EFCAB5: variants seen among roughly 807,000 people sequenced by gnomAD.
The protein encoded by EFCAB5 is EF-hand calcium binding domain 5, also known as EF-hand calcium-binding domain-containing protein 5.
Under a neutral mutation model 167.9 loss-of-function variants are expected in EFCAB5, and 131 were observed. The ratio of observed to expected loss-of-function variants is 0.78; its 90% CI spans 0.68 to 0.90. The LOEUF (loss-of-function observed/expected upper bound fraction) is 0.90. Among genes scored for constraint, EFCAB5 ranks in the 40% least tolerant of loss-of-function variants. The pLI, the probability that EFCAB5 is intolerant of heterozygous loss-of-function variation, is 0.00. For synonymous variants in EFCAB5, 574 were observed against 602.8 expected (o/e 0.95, Z 0.70); for missense variants, 1,663 against 1,745.2 (o/e 0.95, Z 0.84).
At chr17:30,101,177 A>G (rs887382646) in intron 22 of EFCAB5, among the ~76,000 whole-genome samples, 3 of 152,228 alleles carry the variant, frequency 2.0e-5, no homozygotes, top group African/African-American at 7.2e-5. Context: ...CAAGGTTTTA[A>G]GCAGAGGAAC....
At chr17:29,988,309 A>T (rs1041726231) in intron 4 of EFCAB5, among the ~76,000 whole-genome samples, 1 of 152,236 alleles carries the variant, frequency 6.6e-6, no homozygotes, top group Admixed American at 6.5e-5. Flanking sequence ...CATCTGTATG[A>T]AATCATAACT....
rs747775281 is a variant in EFCAB5 at position 30,053,810 on chromosome 17, A to G, written c.1856A>G (p.His619Arg). Residue 619 changes from histidine (H) to arginine (R), a missense_variant, in exon 10 of 23, where the codon CAC becomes CGC. By Grantham distance (29) the His-to-Arg change is conservative. Transcript: ENST00000394835. ...RRESIAEQDR[H>R]KGSVAEQGSR... is the part of the protein sequence containing the mutation. Reference sequence around the variant, plus strand: ...GAGTCTATTGCAGAACAAGATCGACACAAAGGGTCAGTAGCAGAACAAGGA... The same window carrying G: ...GAGTCTATTGCAGAACAAGATCGACGCAAAGGGTCAGTAGCAGAACAAGGA... 5.0e-6 allele frequency: 8 copies of G among 1,613,982 alleles called. No individual in the cohort carries two copies. Among genetic ancestry groups the G allele is most frequent in the Non-Finnish European group, 6.8e-6 (8 of 1,179,860 alleles).
chr17:29,975,027 AAAATAAAT>A (rs564610853), intron 4 of EFCAB5, among the ~76,000 whole-genome samples: 9 of 151,448 alleles, frequency 5.9e-5, no homozygotes, highest in African/African-American at 1.9e-4. Flanking sequence ...CCCTATCTCT[AAAATAAAT>A]AAATAAATAA....
chr17:30,060,948 G>T (rs986765021), intron 14 of EFCAB5, among the ~76,000 whole-genome samples: 1 of 152,120 alleles, frequency 6.6e-6, no homozygotes, highest in Non-Finnish European at 1.5e-5. Flanking sequence ...TTTTCAAAAC[G>T]AAGGCTTTAG....
intron 14 of EFCAB5, chr17:30,068,888 G>C (rs1021245075): frequency 1.3e-6 from 2 of 1,526,998 alleles, no homozygotes; most frequent in Non-Finnish European, 1.8e-6. Context: ...GAATATGGGA[G>C]GATGACAGAC....
rs190825078 is a variant in EFCAB5 at position 30,057,709 on chromosome 17, G to T, written c.2399G>T (p.Cys800Phe). 200 of 1,613,568 alleles carry T rather than the reference G, an allele frequency of 1.2e-4. No homozygotes were observed. The East Asian group carries it at 4.2e-3, about 34-fold the overall frequency. The change falls in exon 13 of 23, where the codon TGC (cysteine) becomes TTC (phenylalanine). Residue 800 changes from cysteine (C) to phenylalanine (F), a missense_variant. Physicochemically the swap from Cys to Phe is radical, Grantham distance 205. Transcript: ENST00000394835. ...LHSIIRNIQS[C>F]KEVKGRTAFN... ...TCAATTATCAGAAATATTCAGTCTT[G>T]CAAGGAGGTAAAAGGCAGAACTGCC...
At chr17:30,085,842 A>G (rs545761067) in intron 18 of EFCAB5, among the ~76,000 whole-genome samples, 1 of 152,332 alleles carries the variant, frequency 6.6e-6, no homozygotes, top group Admixed American at 6.5e-5. Context: ...TTTCCCTTCT[A>G]AAGAGTTTGG....
intron 22 of EFCAB5, among the ~76,000 whole-genome samples, chr17:30,107,576 C>T (rs1193385274): frequency 2.0e-5 from 3 of 152,120 alleles, no homozygotes; most frequent in African/African-American, 2.4e-5. Context: ...CTATAACTTA[C>T]TTTTTGTATT....
chr17:30,103,937 T>C (rs180831800), intron 22 of EFCAB5, among the ~76,000 whole-genome samples: 1 of 152,200 alleles, frequency 6.6e-6, no homozygotes, highest in East Asian at 1.9e-4. Context: ...CTTGAACCCA[T>C]GAGGTGGAGG....
At chr17:30,030,004 A>C (rs1331542189) in intron 7 of EFCAB5, among the ~76,000 whole-genome samples, 2 of 152,226 alleles carry the variant, frequency 1.3e-5, no homozygotes, top group African/African-American at 4.8e-5. Flanking sequence ...AATGTTTAAC[A>C]TCTCACAGAG....
intron 16 of EFCAB5, among the ~76,000 whole-genome samples, 198 bp downstream of exon 16, chr17:30,080,439 G>T (rs1018230992): frequency 6.6e-6 from 1 of 152,092 alleles, no homozygotes; most frequent in Non-Finnish European, 1.5e-5. Context: ...GTAATGATTC[G>T]CCACATGGGG....
intron 4 of EFCAB5, among the ~76,000 whole-genome samples, chr17:29,972,338 C>T (rs1260236419): frequency 1.3e-5 from 2 of 151,932 alleles, no homozygotes; most frequent in Non-Finnish European, 2.9e-5. Context: ...CGTGAGTCAC[C>T]GCGCCCGGCC....
intron 14 of EFCAB5, among the ~76,000 whole-genome samples, chr17:30,060,206 A>G (rs544960531): frequency 6.6e-6 from 1 of 151,784 alleles, no homozygotes; most frequent in East Asian, 1.9e-4. Flanking sequence ...AACTTAAAGT[A>G]TAATAATAAC....
intron 8 of EFCAB5, among the ~76,000 whole-genome samples, chr17:30,039,370 C>T (rs747774181): frequency 1.3e-5 from 2 of 152,190 alleles, no homozygotes; most frequent in East Asian, 1.9e-4. Flanking sequence ...CTTTTCCTTT[C>T]CTTTCCTTCC....
intron 8 of EFCAB5, among the ~76,000 whole-genome samples, chr17:30,041,054 C>T (rs1485276490): frequency 2.6e-5 from 4 of 152,146 alleles, no homozygotes; most frequent in Admixed American, 1.3e-4. Flanking sequence ...ACAGTAAGGA[C>T]GACCCAAATG....
At chr17:30,057,985 A>C (rs1461483701) in intron 13 of EFCAB5, 95 bp downstream of exon 13, 4 of 1,087,368 alleles carry the variant, frequency 3.7e-6, no homozygotes, top group South Asian at 1.6e-5. Context: ...GTGTTAAAAA[A>C]TGTACAACCA....
At chr17:30,047,135 G>T (rs1237504336) in intron 8 of EFCAB5, among the ~76,000 whole-genome samples, 1 of 152,098 alleles carries the variant, frequency 6.6e-6, no homozygotes, top group Non-Finnish European at 1.5e-5. Context: ...AATTTTCTTG[G>T]TAGATTAAAT....
chr17:30,057,748 C>A lies in EFCAB5; in HGVS notation c.2438C>A (p.Ser813Ter), dbSNP rs901565647. The part of the protein sequence containing the change: ...VKGRTAFNGV[S>*]FNLLQFVQLL... Reference sequence around the variant, plus strand: ...GGCAGAACTGCCTTCAATGGAGTTTCATTCAATCTGCTCCAGTTTGTGCAA... The same window carrying A: ...GGCAGAACTGCCTTCAATGGAGTTTAATTCAATCTGCTCCAGTTTGTGCAA... The change falls in exon 13 of 23, where the codon TCA becomes TAA. Residue 813 changes from serine to a stop codon, truncating the protein, a stop_gained. Coordinates refer to ENST00000394835, the MANE Select transcript of EFCAB5 (RefSeq NM_198529.4). LOFTEE classifies it high-confidence loss of function. 6.2e-7 allele frequency: 1 copy of A among 1,613,746 alleles called. No individual in the cohort carries two copies. Among genetic ancestry groups the A allele is most frequent in the Admixed American group, 1.7e-5 (1 of 60,002 alleles).
intron 3 of EFCAB5, among the ~76,000 whole-genome samples, chr17:29,951,781 GCTTAGAGTCCTATGGC>G (rs1356316902): frequency 6.6e-6 from 1 of 152,042 alleles, no homozygotes; most frequent in East Asian, 1.9e-4. Flanking sequence ...AGTACAAGGG[GCTTAGAGTCCTATGGC>G]CTTTGAAACT....
Sources: gnomAD v4.1 joint callset for allele counts (sites outside exome capture counted in the v4.1 genomes callset) on GRCh38, gnomAD v4.1.1 for gene constraint, MANE v1.5 for transcripts, NCBI Gene and HGNC (gene_info 2026-07-23, HGNC 2026-07-21) for gene names.